Variants in RBFOX1 observed in about 807,000 individuals in gnomAD.
The protein encoded by RBFOX1 is RNA binding protein fox-1 homolog 1.
A neutral mutation model predicts 57.7 loss-of-function variants in RBFOX1; 8 were observed. That is an observed-to-expected ratio of 0.14 (90% CI 0.08 to 0.25). The LOEUF (loss-of-function observed/expected upper bound fraction) is 0.25, where lower values mean the gene tolerates loss of function less well. RBFOX1 is among the 10% of genes least tolerant of loss of function. The pLI is 1.00. For synonymous variants in RBFOX1, 326 were observed against 222.4 expected (o/e 1.47, Z -4.15); for missense variants, 611 against 548.5 (o/e 1.11, Z -1.14).
intron 3 of RBFOX1, among the ~76,000 whole-genome samples, chr16:5,806,571 T>C (rs986119839): frequency 6.6e-6 from 1 of 152,162 alleles, no homozygotes; most frequent in African/African-American, 2.4e-5. Context: ...GCACCAGAGT[T>C]CCAACCTTAG....
chr16:7,552,739 A>T (rs1240430765), intron 5 of RBFOX1, among the ~76,000 whole-genome samples: 1 of 152,076 alleles, frequency 6.6e-6, no homozygotes, highest in African/African-American at 2.4e-5. Flanking sequence ...CCGAAGTGCA[A>T]TGGCGTGATC....
At chr16:5,502,609 T>A (rs1238794488) in intron 2 of RBFOX1, among the ~76,000 whole-genome samples, 1 of 152,116 alleles carries the variant, frequency 6.6e-6, no homozygotes, top group Non-Finnish European at 1.5e-5. Flanking sequence ...GAAAATGCAA[T>A]CAGGTCCAAG....
At chr16:6,906,581 C>T (rs1164650801) in intron 3 of RBFOX1, among the ~76,000 whole-genome samples, 1 of 152,074 alleles carries the variant, frequency 6.6e-6, no homozygotes, top group African/African-American at 2.4e-5. Context: ...ACAAGGGGTA[C>T]ATCAGTAGTG....
At chr16:7,414,240 C>G (rs527933278) in intron 4 of RBFOX1, among the ~76,000 whole-genome samples, 2 of 152,152 alleles carry the variant, frequency 1.3e-5, no homozygotes, top group Non-Finnish European at 2.9e-5. Context: ...TGGACAAAAC[C>G]GAGTGCTCAC....
intron 4 of RBFOX1, among the ~76,000 whole-genome samples, chr16:7,332,567 C>G (rs1323157014): frequency 6.6e-6 from 1 of 152,108 alleles, no homozygotes; most frequent in Non-Finnish European, 1.5e-5. Context: ...CCCTAAAAAT[C>G]CCATGTAGAC....
chr16:6,053,748 A>G (rs559110695), intron 1 of RBFOX1, among the ~76,000 whole-genome samples: 2 of 152,280 alleles, frequency 1.3e-5, no homozygotes, highest in South Asian at 2.1e-4. Flanking sequence ...CCTCACTTGT[A>G]CAATCTTAAT....
intron 3 of RBFOX1, among the ~76,000 whole-genome samples, chr16:7,002,616 G>T (rs1455256125): frequency 6.6e-6 from 1 of 152,166 alleles, no homozygotes; most frequent in Non-Finnish European, 1.5e-5. Context: ...GGAGGCTGAG[G>T]CAGGAGAATC....
At chr16:5,446,343 T>C (rs1008775087) in intron 1 of RBFOX1, among the ~76,000 whole-genome samples, 9 of 152,288 alleles carry the variant, frequency 5.9e-5, no homozygotes, top group South Asian at 2.1e-4. Flanking sequence ...TCATGGAAGA[T>C]GGTAGACAGT....
In RBFOX1 at chr16:7,060,530, CAAATG is replaced by C. The variant is rs142377005; in HGVS notation, c.27+8438_27+8442del. The stretch of plus-strand genomic sequence containing the variant: ...CCAGTTAAATACCTTCTGCCATTCT[CAAATG>C]AAATGGCTTTTAAAGAACAGAATAG... On this transcript the variant is annotated intron_variant, in intron 4 of 15. Transcript: ENST00000550418. Among the ~76,000 whole-genome samples, 342 of 152,286 alleles carry C rather than the reference CAAATG, an allele frequency of 2.2e-3. 3 individuals carry two copies. Among genetic ancestry groups the C allele is most frequent in the African/African-American group, 7.7e-3 (322 of 41,556 alleles).
chr16:7,441,628 A>G (rs972236020), intron 4 of RBFOX1, among the ~76,000 whole-genome samples: 1 of 152,194 alleles, frequency 6.6e-6, no homozygotes. Flanking sequence ...TTAGCTGCCA[A>G]CATTTAGATA....
At chr16:7,009,974 G>A (rs1409289311) in intron 3 of RBFOX1, among the ~76,000 whole-genome samples, 1 of 152,116 alleles carries the variant, frequency 6.6e-6, no homozygotes, top group African/African-American at 2.4e-5. Context: ...ATATTGGGAG[G>A]TAAGGCTTCC....
At chr16:6,198,053 A>G (rs1388106384) in intron 1 of RBFOX1, among the ~76,000 whole-genome samples, 1 of 152,172 alleles carries the variant, frequency 6.6e-6, no homozygotes, top group African/African-American at 2.4e-5. Flanking sequence ...TGAATTAACT[A>G]ATACTTACCT....
chr16:5,910,786 C>T (rs1036195547), intron 4 of RBFOX1, among the ~76,000 whole-genome samples: 1 of 152,140 alleles, frequency 6.6e-6, no homozygotes, highest in Admixed American at 6.5e-5. Context: ...TGTTTTTGCC[C>T]ATCTGAGTTT....
intron 1 of RBFOX1, among the ~76,000 whole-genome samples, chr16:6,168,914 A>C (rs181721173): frequency 6.6e-5 from 10 of 152,084 alleles, no homozygotes; most frequent in Admixed American, 6.5e-4. Flanking sequence ...GCATCCCAGC[A>C]GGGAGTCAGG....
At chr16:5,825,275 A>C (rs1380044334) in intron 3 of RBFOX1, among the ~76,000 whole-genome samples, 1 of 152,212 alleles carries the variant, frequency 6.6e-6, no homozygotes, top group Admixed American at 6.5e-5. Context: ...CAGTACCAGG[A>C]ACCCCAGGTT....
intron 14 of RBFOX1, among the ~76,000 whole-genome samples, chr16:7,678,819 T>C (rs2146560339): frequency 6.6e-6 from 1 of 152,336 alleles, no homozygotes; most frequent in African/African-American, 2.4e-5. Context: ...TTTGATATTA[T>C]TCAGATTTCT....
intron 14 of RBFOX1, among the ~76,000 whole-genome samples, chr16:7,684,773 G>C (rs1453085969): frequency 6.6e-6 from 1 of 152,026 alleles, no homozygotes; most frequent in Non-Finnish European, 1.5e-5. Context: ...GAGTGTTTGT[G>C]GATGACTACT....
Position 7,077,027 on chromosome 16 carries a change from T to C in RBFOX1, c.27+24929T>C, listed in dbSNP as rs537759520. Reference sequence around the variant, plus strand: ...GGGCAAAGACATCCATCTGATTTCTTGGAACAGGGCCATTTAGTTAGTGGA... The same window carrying C: ...GGGCAAAGACATCCATCTGATTTCTCGGAACAGGGCCATTTAGTTAGTGGA... On this transcript the variant is annotated intron_variant, in intron 4 of 15. Coordinates refer to ENST00000550418, the MANE Select transcript of RBFOX1 (RefSeq NM_018723.4). Among the ~76,000 whole-genome samples, 7 of 152,354 alleles carry C rather than the reference T, an allele frequency of 4.6e-5. No homozygotes were observed. The South Asian group carries it at 1.4e-3, about 32-fold the overall frequency.
chr16:7,396,199 C>T (rs991360338), intron 4 of RBFOX1, among the ~76,000 whole-genome samples: 4 of 152,094 alleles, frequency 2.6e-5, no homozygotes, highest in Admixed American at 6.6e-5. Context: ...GTTAGCAACC[C>T]TCTGCTGTGT....
Sources: gnomAD v4.1 joint callset for allele counts (sites outside exome capture counted in the v4.1 genomes callset) on GRCh38, gnomAD v4.1.1 for gene constraint, MANE v1.5 for transcripts, NCBI Gene and HGNC (gene_info 2026-07-23, HGNC 2026-07-21) for gene names.